Variants in B9D1 observed in about 807,000 individuals in gnomAD.
B9D1 encodes B9 domain containing 1, also known as B9 domain-containing protein 1.
B9D1 carries 20 observed loss-of-function variants against 26.1 expected under a neutral mutation model. That is an observed-to-expected ratio of 0.77 (90% CI 0.54 to 1.12). B9D1 has a LOEUF of 1.12. Ranked by LOEUF, B9D1 falls within the 50% of genes most tolerant of loss-of-function variation. The pLI is 0.00. For synonymous variants in B9D1, 105 were observed against 103.1 expected (o/e 1.02, Z -0.11); for missense variants, 260 against 273.7 (o/e 0.95, Z 0.35).
downstream of B9D1, among the ~76,000 whole-genome samples, chr17:19,340,571 G>A (rs1907853139): frequency 1.3e-5 from 2 of 151,282 alleles, no homozygotes; most frequent in East Asian, 2.0e-4. Context: ...CCTGCGGTCC[G>A]GAGTGCAAGA....
rs1299844444 is a variant in B9D1, at chr17:19,370,951, A to T, written c.-298+6908T>A. On this transcript the variant is annotated intron_variant, in intron 1 of 5. Coordinates refer to the B9D1 transcript ENST00000477478. The surrounding 1 kb of genome is among the most constrained non-coding windows in gnomAD (Gnocchi z 5.1). ...CCTATGGGCAGGTCAACCACAACAA[A>T]GCCCAGCCTGCCCATCAAGCCCCAC... 6.6e-6 allele frequency among the ~76,000 whole-genome samples: 1 copy of T among 152,176 alleles called. No homozygotes were observed. Among genetic ancestry groups the T allele is most frequent in the African/African-American group, 2.4e-5 (1 of 41,442 alleles).
At chr17:19,351,641 A>G (rs1215932806) in intron 3 of B9D1, among the ~76,000 whole-genome samples, 3 of 152,172 alleles carry the variant, frequency 2.0e-5, no homozygotes, top group Non-Finnish European at 4.4e-5. Context: ...TGATGAAGAC[A>G]CTCGGACTTG....
upstream of B9D1, among the ~76,000 whole-genome samples, chr17:19,365,700 A>G (rs758390488): frequency 2.0e-5 from 3 of 152,056 alleles, no homozygotes; most frequent in Non-Finnish European, 4.4e-5. This position sits in a 1 kb window ranked among gnomAD's most constrained non-coding sequence, Gnocchi z 5.0. Context: ...CCAGCTCAAA[A>G]TCAGACTGCC....
Position 19,343,773 on chromosome 17 carries a change from A to T in B9D1, c.472+17T>A. ...CCTGTATGGGGGATGGGGGTAAGAG[A>T]GGGGAGGGAGCTTTACCTTCCCGGC... is the stretch of plus-strand genomic sequence containing the variant. On this transcript the variant is annotated intron_variant, in intron 6 of 6. Transcript: ENST00000261499. 6.2e-7 allele frequency: 1 copy of T among 1,612,900 alleles called. No homozygotes were observed. The highest frequency in any genetic ancestry group is 8.5e-7 in the Non-Finnish European group (1 of 1,179,130).
chr17:19,357,905 A>G lies in B9D1; in HGVS notation c.179T>C (p.Val60Ala). 6.2e-7 allele frequency: 1 copy of G among 1,614,120 alleles called. No individual in the cohort carries two copies. Among genetic ancestry groups the G allele is most frequent in the Non-Finnish European group, 8.5e-7 (1 of 1,179,998 alleles). ...ISQITSKSQD[V>A]RQALVWNFPI... Reference sequence around the variant, plus strand: ...GAAGTTCCACACCAGTGCTTGCCGCACATCTTGGCTCTTGGATGTGATCTG... The same window carrying G: ...GAAGTTCCACACCAGTGCTTGCCGCGCATCTTGGCTCTTGGATGTGATCTG... The change falls in exon 3 of 7, where the codon GTG (valine) becomes GCG (alanine). Residue 60 changes from valine to alanine, a missense_variant. Val to Ala is a moderately conservative substitution (Grantham distance 64). Transcript: ENST00000261499.
chr17:19,349,192 G>A lies in B9D1; in HGVS notation c.245-1312C>T, dbSNP rs114367850. ...ATTACCAATCTTTTAAATTTGAGCC[G>A]TCCTAGTGAGAGAATAGTGGTAGCT... On this transcript the variant is annotated intron_variant, in intron 3 of 6. Coordinates refer to ENST00000261499, the MANE Select transcript of B9D1 (RefSeq NM_015681.6). Among the ~76,000 whole-genome samples, 417 of 152,202 alleles carry A rather than the reference G, an allele frequency of 2.7e-3. 4 individuals carry two copies. The highest frequency in any genetic ancestry group is 9.7e-3 in the African/African-American group (401 of 41,514).
Position 19,347,291 on chromosome 17 carries a change from A to T in B9D1, c.382T>A (p.Ser128Thr). The change falls in exon 5 of 7, where the codon TCT (serine) becomes ACT (threonine). Residue 128 changes from serine (S) to threonine (T), a missense_variant. Coordinates refer to ENST00000261499, the MANE Select transcript of B9D1 (RefSeq NM_015681.6). The surrounding 1 kb of genome is among the most constrained non-coding windows in gnomAD (Gnocchi z 4.3). ...CACCTTGTAAACTTCTGCAGTTTAG[A>T]CGTAGATTCTGGGACAAACATGGGG... is the stretch of plus-strand genomic sequence containing the variant. ...TIPMFVPEST[S>T]KLQKFTSWFM... The T allele has an allele frequency of 1.1e-5, 18 of 1,614,240 alleles. No homozygotes were observed. Among genetic ancestry groups the T allele is most frequent in the Non-Finnish European group, 1.4e-5 (17 of 1,180,044 alleles).
At chr17:19,338,043 A>T (rs8079844), downstream of B9D1, among the ~76,000 whole-genome samples, 25 of 152,214 alleles carry the variant, frequency 1.6e-4, no homozygotes, top group African/African-American at 2.4e-5. Flanking sequence ...GGCTCTGTGG[A>T]GTACAGAGCC....
intron 5 of B9D1, chr17:19,346,841 T>C (rs1026190386): frequency 8.2e-7 from 1 of 1,223,318 alleles, no homozygotes; most frequent in African/African-American, 1.5e-5. Context: ...CCCCGGCTCT[T>C]CCCTCCACAC....
intron 3 of B9D1, among the ~76,000 whole-genome samples, chr17:19,351,376 TCA>T (rs1458835928): frequency 5.9e-5 from 9 of 152,220 alleles, no homozygotes; most frequent in African/African-American, 2.2e-4. Flanking sequence ...TCTGAATATT[TCA>T]TTTAGGAGTT....
chr17:19,374,914 A>C (rs920279011), intron 1 of B9D1, among the ~76,000 whole-genome samples: 5 of 152,240 alleles, frequency 3.3e-5, no homozygotes, highest in African/African-American at 4.8e-5. Context: ...CTGTATCTGT[A>C]AATCATCTGA....
chr17:19,335,227 T>A, downstream of B9D1: 1 of 495,810 alleles, frequency 2.0e-6, no homozygotes, highest in Non-Finnish European at 3.3e-6. Context: ...CCTTTTCCTT[T>A]CTTTAGCTCC....
At chr17:19,341,853 T>G (rs1231159821), downstream of B9D1, among the ~76,000 whole-genome samples, 2 of 152,066 alleles carry the variant, frequency 1.3e-5, no homozygotes, top group East Asian at 3.9e-4. Context: ...TAAACTGGGC[T>G]GGGAGGAAAG....
chr17:19,359,863 G>A lies in B9D1; in HGVS notation c.132+457C>T, dbSNP rs888786961. ...TGCTTTGCAAACAGCAGAGCACAGA[G>A]CGGGCTGAAGTTGTCACCACAGTCC... On this transcript the variant is annotated intron_variant, in intron 2 of 6. Transcript: ENST00000261499. This position sits in a 1 kb window ranked among gnomAD's most constrained non-coding sequence, Gnocchi z 5.0. Among the ~76,000 whole-genome samples, 2 of 152,248 alleles carry A rather than the reference G, an allele frequency of 1.3e-5. No homozygotes were observed. The highest frequency in any genetic ancestry group is 4.8e-5 in the African/African-American group (2 of 41,468).
intron 5 of B9D1, among the ~76,000 whole-genome samples, chr17:19,346,598 A>G (rs1305562680): frequency 6.6e-6 from 1 of 152,202 alleles, no homozygotes; most frequent in Admixed American, 6.5e-5. Flanking sequence ...GGATGTGAGC[A>G]GGGGTAAGAG....
At chr17:19,342,874 G>A (rs1272662288), downstream of B9D1, among the ~76,000 whole-genome samples, 1 of 152,236 alleles carries the variant, frequency 6.6e-6, no homozygotes, top group Non-Finnish European at 1.5e-5. Flanking sequence ...CAGAAGCATG[G>A]CTGAACGGGT....
rs953316744 is a variant in B9D1, at chr17:19,359,003, C to T, written c.133-1052G>A. Among the ~76,000 whole-genome samples, 3 of 152,214 alleles carry T rather than the reference C, an allele frequency of 2.0e-5. No homozygotes were observed. Among genetic ancestry groups the T allele is most frequent in the Non-Finnish European group, 4.4e-5 (3 of 68,032 alleles). The stretch of plus-strand genomic sequence containing the variant: ...GCTGTGAATCCTAACTCCTCCTTCT[C>T]TCAGACCTCACATCCATCAAAAGAA... On this transcript the variant is annotated intron_variant, in intron 2 of 6. Coordinates refer to ENST00000261499, the MANE Select transcript of B9D1 (RefSeq NM_015681.6). This position sits in a 1 kb window ranked among gnomAD's most constrained non-coding sequence, Gnocchi z 5.0.
chr17:19,362,204 G>A (rs577368719), intron 1 of B9D1, among the ~76,000 whole-genome samples: 2 of 152,344 alleles, frequency 1.3e-5, no homozygotes, highest in Non-Finnish European at 2.9e-5. Flanking sequence ...TTAACCCCAG[G>A]AGGCTCCTGC....
rs780359127 is a variant in B9D1, at chr17:19,362,620, A to G, written c.-51T>C. The stretch of plus-strand genomic sequence containing the variant: ...CCCACCTAGGCCGCGCGCGGTTGCT[A>G]AGAGACGCCGGCGTTGCCCTAGAAA... On this transcript the variant is annotated 5_prime_UTR_variant, in exon 1 of 7. Transcript: ENST00000261499. The G allele has an allele frequency of 7.0e-6, 11 of 1,569,708 alleles. No individual in the cohort carries two copies. Among genetic ancestry groups the G allele is most frequent in the Admixed American group, 3.7e-5 (2 of 53,730 alleles).
Sources: gnomAD v4.1 joint callset for allele counts (sites outside exome capture counted in the v4.1 genomes callset) on GRCh38, gnomAD v4.1.1 for gene constraint, Gnocchi (gnomAD v3.1) non-coding constraint, MANE v1.5 for transcripts, NCBI Gene and HGNC (gene_info 2026-07-23, HGNC 2026-07-21) for gene names.